CFHR3: variants seen among roughly 807,000 people sequenced by gnomAD.
CFHR3 encodes the protein complement factor H-related protein 3.
A neutral mutation model predicts 36.0 loss-of-function variants in CFHR3; 22 were observed. The ratio of observed to expected loss-of-function variants is 0.61; its 90% CI spans 0.44 to 0.87. The LOEUF (loss-of-function observed/expected upper bound fraction) is 0.87, where lower values mean the gene tolerates loss of function less well. Ranked by LOEUF, CFHR3 falls within the 40% of genes least tolerant of loss-of-function variation. The probability of loss-of-function intolerance (pLI) is 0.00; values close to 1 mark genes in which losing one functional copy is unlikely to be tolerated. For synonymous variants in CFHR3, 97 were observed against 137.4 expected (o/e 0.71, Z 2.06); for missense variants, 276 against 401.3 (o/e 0.69, Z 2.67).
Position 196,789,617 on chromosome 1 carries a change from A to C in CFHR3, c.614-428A>C, listed in dbSNP as rs1654343278. 3 of 1,379,552 alleles carry C rather than the reference A, an allele frequency of 2.2e-6. 1 individual carries two copies. The African/African-American group carries it at 5.5e-5, about 25-fold the overall frequency. 85.5% of individuals were successfully genotyped at this position (1,379,552 alleles called of 1,614,324 possible). ...ACATAAATGGTTACATTAACTTTTA[A>C]ATTCACAAATTTAAAAGCGGTTTAA... On this transcript the variant is annotated intron_variant, in intron 4 of 5. Transcript: ENST00000367425.
intron 3 of CFHR3, 134 bp downstream of exon 3, chr1:196,780,107 T>C: frequency 8.4e-7 from 1 of 1,197,064 alleles, no homozygotes; most frequent in South Asian, 1.6e-5. Flanking sequence ...CTATTTAGTT[T>C]TACTTTTTTA....
chr1:196,788,740 A>T lies in CFHR3; in HGVS notation c.613+342A>T. 1.4e-6 allele frequency: 2 copies of T among 1,452,288 alleles called. 1 individual carries two copies. The allele number at this position is 1,452,288 out of a possible 1,614,324, so 90.0% of individuals were successfully genotyped here. A position where few individuals can be genotyped will look rare whatever the true frequency, so the allele number is the denominator to read the frequency against. On this transcript the variant is annotated intron_variant, in intron 4 of 5. Transcript: ENST00000367425. Reference sequence around the variant, plus strand: ...TTCCCTTTCTTTGTATTTCAAAATTATCAGCTGCTTGTATTGCATTCCGTG... The same window carrying T: ...TTCCCTTTCTTTGTATTTCAAAATTTTCAGCTGCTTGTATTGCATTCCGTG...
intron 3 of CFHR3, among the ~76,000 whole-genome samples, chr1:196,787,109 T>A (rs1244232447): frequency 7.3e-6 from 1 of 137,426 alleles, no homozygotes; most frequent in Non-Finnish European, 1.5e-5. Context: ...AGAAACCGCA[T>A]AATAATTATG....
chr1:196,788,269 T>A lies in CFHR3; in HGVS notation c.484T>A (p.Ser162Thr), dbSNP rs776666479. The change falls in exon 4 of 6, where the codon TCC (serine) becomes ACC (threonine). Residue 162 changes from serine (S) to threonine (T), a missense_variant. Coordinates refer to ENST00000367425, the MANE Select transcript of CFHR3 (RefSeq NM_021023.6). ...TGAAAATGGATTCATTTCCGAATCT[T>A]CCTCTATTTATATTTTAAATAAAGA... ...EIENGFISES[S>T]SIYILNKEIQ... The A allele has an allele frequency of 2.3e-6, 3 of 1,327,770 alleles. No homozygotes were observed. In the Admixed American group the frequency reaches 6.7e-5, roughly 30 times the overall value. The allele number at this position is 1,327,770 out of a possible 1,614,324, so 82.2% of individuals were successfully genotyped here. A position where few individuals can be genotyped will look rare whatever the true frequency, so the allele number is the denominator to read the frequency against.
chr1:196,779,790 T>C lies in CFHR3; in HGVS notation c.254-7T>C, dbSNP rs766659379. ...ACTTTATTTATTTATCATTGCTATG[T>C]CCTTAGGAAAATGTTATTTTCCTTA... On this transcript the variant is annotated splice_region_variant and splice_polypyrimidine_tract_variant and intron_variant, in intron 2 of 5. Transcript: ENST00000367425. 2 of 1,513,356 alleles carry C rather than the reference T, an allele frequency of 1.3e-6. No homozygotes were observed. Among genetic ancestry groups the C allele is most frequent in the Non-Finnish European group, 1.8e-6 (2 of 1,120,924 alleles). 93.7% of individuals were successfully genotyped at this position (1,513,356 alleles called of 1,614,324 possible).
chr1:196,790,730 TA>T (rs1299517019), intron 5 of CFHR3, among the ~76,000 whole-genome samples: 1 of 89,788 alleles, frequency 1.1e-5, no homozygotes, highest in East Asian at 2.5e-4. Flanking sequence ...TCTCCAAAAA[TA>T]AAAAAATAAT....
At chr1:196,776,557 A>G (rs1258229222) in intron 1 of CFHR3, among the ~76,000 whole-genome samples, 4 of 136,560 alleles carry the variant, frequency 2.9e-5, no homozygotes, top group Non-Finnish European at 4.7e-5. Flanking sequence ...GTGTCCATAT[A>G]AGAAGAGAAA....
chr1:196,786,376 CTT>C (rs1232628676), intron 3 of CFHR3, among the ~76,000 whole-genome samples: 1 of 135,142 alleles, frequency 7.4e-6, no homozygotes, highest in Non-Finnish European at 1.6e-5. Flanking sequence ...TTACTGCTGT[CTT>C]TTTGTTTGTC....
In CFHR3 at chr1:196,788,263, G is replaced by A. The variant is rs766438449; in HGVS notation, c.478G>A (p.Glu160Lys). 2.3e-6 allele frequency: 3 copies of A among 1,316,310 alleles called. No individual in the cohort carries two copies. The highest frequency in any genetic ancestry group is 3.1e-6 in the Non-Finnish European group (3 of 975,516). The allele number at this position is 1,316,310 out of a possible 1,614,324, so 81.5% of individuals were successfully genotyped here. A position where few individuals can be genotyped will look rare whatever the true frequency, so the allele number is the denominator to read the frequency against. The change falls in exon 4 of 6, where the codon GAA (glutamate) becomes AAA (lysine). Residue 160 changes from glutamate (E) to lysine (K), a missense_variant. Glu to Lys is a moderately conservative substitution (Grantham distance 56, BLOSUM62 1). This residue lies in a region of CFHR3 where 178 missense variants were observed against 247.2 expected (regional missense o/e 0.72). Coordinates refer to ENST00000367425, the MANE Select transcript of CFHR3 (RefSeq NM_021023.6). ...AGAAATTGAAAATGGATTCATTTCC[G>A]AATCTTCCTCTATTTATATTTTAAA... ...DIEIENGFIS[E>K]SSSIYILNKE...
chr1:196,780,083 T>A, intron 3 of CFHR3, 110 bp downstream of exon 3: 1 of 1,378,672 alleles, frequency 7.3e-7, no homozygotes, highest in Non-Finnish European at 9.9e-7. Flanking sequence ...TGTCAACTTG[T>A]TTTGCCAACG....
Position 196,790,893 on chromosome 1 carries a change from C to A in CFHR3, c.796+666C>A, listed in dbSNP as rs1283869145. Reference sequence around the variant, plus strand: ...CTTCAAGAATGACAACCATTTATTGCGCACATATGAAATATGGCATCTCAG... The same window carrying A: ...CTTCAAGAATGACAACCATTTATTGAGCACATATGAAATATGGCATCTCAG... On this transcript the variant is annotated intron_variant, in intron 5 of 5. Coordinates refer to ENST00000367425, the MANE Select transcript of CFHR3 (RefSeq NM_021023.6). 2.9e-5 allele frequency among the ~76,000 whole-genome samples: 4 copies of A among 135,712 alleles called. 1 individual carries two copies. The highest frequency in any genetic ancestry group is 9.2e-5 in the African/African-American group (3 of 32,516). 89.0% of individuals were successfully genotyped at this position (135,712 alleles called of 152,430 possible).
In CFHR3 at chr1:196,786,059, G is replaced by C. The variant is rs1322352435; in HGVS notation, c.431-2157G>C. Among the ~76,000 whole-genome samples, 3 of 136,664 alleles carry C rather than the reference G, an allele frequency of 2.2e-5. 1 individual carries two copies. The East Asian group carries it at 5.9e-4, about 27-fold the overall frequency. 89.7% of individuals were successfully genotyped at this position (136,664 alleles called of 152,430 possible). A position where few individuals can be genotyped will look rare whatever the true frequency, so the allele number is the denominator to read the frequency against. ...GCTGCAGGTCTGTTGGAGTTTGCTA[G>C]AGGTCCACTCTAGACCCTGTTTGCC... On this transcript the variant is annotated intron_variant, in intron 3 of 5. Coordinates refer to ENST00000367425, the MANE Select transcript of CFHR3 (RefSeq NM_021023.6).
At chr1:196,790,001 T>C in intron 4 of CFHR3, 44 bp from the exon 5 acceptor site, 1 of 1,223,854 alleles carries the variant, frequency 8.2e-7, no homozygotes, top group South Asian at 1.6e-5. Flanking sequence ...AAGTTTCCAA[T>C]AAGACTATTG....
rs868739402 is a variant in CFHR3 at position 196,778,863 on chromosome 1, G to A, written c.59-299G>A. On this transcript the variant is annotated intron_variant, in intron 1 of 5. Transcript: ENST00000367425. The stretch of plus-strand genomic sequence containing the variant: ...TGATAAAACCTCCAGAATTGCTAAA[G>A]AGACCATACTACATTAGTAGAAGTA... Among the ~76,000 whole-genome samples, 2 of 137,154 alleles carry A rather than the reference G, an allele frequency of 1.5e-5. 1 individual carries two copies. Among genetic ancestry groups the A allele is most frequent in the Middle Eastern group, 7.7e-3 (2 of 260 alleles). 90.0% of individuals were successfully genotyped at this position (137,154 alleles called of 152,430 possible). A position where few individuals can be genotyped will look rare whatever the true frequency, so the allele number is the denominator to read the frequency against.
In CFHR3 at chr1:196,781,928, G is replaced by T. The variant is rs1158804967; in HGVS notation, c.430+1955G>T. ...CTAGGTTTTCTTTTAGGGTTTTTAT[G>T]GTGTTAGGTCTATCATTTAAGTCTT... On this transcript the variant is annotated intron_variant, in intron 3 of 5. Coordinates refer to ENST00000367425, the MANE Select transcript of CFHR3 (RefSeq NM_021023.6). Among the ~76,000 whole-genome samples, 244 of 136,822 alleles carry T rather than the reference G, an allele frequency of 1.8e-3. 59 individuals carry two copies. Among genetic ancestry groups the T allele is most frequent in the African/African-American group, 7.2e-3 (236 of 32,726 alleles). 89.8% of individuals were successfully genotyped at this position (136,822 alleles called of 152,430 possible).
rs868011307 is a variant in CFHR3, at chr1:196,787,659, G to A, written c.431-557G>A. On this transcript the variant is annotated intron_variant, in intron 3 of 5. Coordinates refer to ENST00000367425, the MANE Select transcript of CFHR3 (RefSeq NM_021023.6). Reference sequence around the variant, plus strand: ...TATTAGAACTTATTTTTGCTATCTTGCTTGCTTTCTTTTTTCTGCTTACAT... The same window carrying A: ...TATTAGAACTTATTTTTGCTATCTTACTTGCTTTCTTTTTTCTGCTTACAT... 8.1e-5 allele frequency among the ~76,000 whole-genome samples: 11 copies of A among 136,340 alleles called. 2 individuals carry two copies. In the South Asian group the frequency reaches 1.5e-3, roughly 19 times the overall value. The allele number at this position is 136,340 out of a possible 152,430, so 89.4% of individuals were successfully genotyped here. A position where few individuals can be genotyped will look rare whatever the true frequency, so the allele number is the denominator to read the frequency against.
At position 196,787,406 on chromosome 1, in the gene CFHR3, T is replaced by G. The variant is rs1409798422; in HGVS notation, c.431-810T>G. Among the ~76,000 whole-genome samples, 2 of 137,450 alleles carry G rather than the reference T, an allele frequency of 1.5e-5. 1 individual carries two copies. The highest frequency in any genetic ancestry group is 1.4e-4 in the Admixed American group (2 of 14,272). The allele number at this position is 137,450 out of a possible 152,430, so 90.2% of individuals were successfully genotyped here. A position where few individuals can be genotyped will look rare whatever the true frequency, so the allele number is the denominator to read the frequency against. On this transcript the variant is annotated intron_variant, in intron 3 of 5. Coordinates refer to ENST00000367425, the MANE Select transcript of CFHR3 (RefSeq NM_021023.6). The stretch of plus-strand genomic sequence containing the variant: ...GAAAACTCATGATTATGACAAATGC[T>G]ATATTATAAATATGCATCATCTTTA...
At position 196,788,198 on chromosome 1, in the gene CFHR3, T is replaced by C. The variant is rs533688197; in HGVS notation, c.431-18T>C. Reference sequence around the variant, plus strand: ...ATTCAACTAATATTTACTTTTTTCTTGACTTTTTCTATTTTAGGAACATGC... The same window carrying C: ...ATTCAACTAATATTTACTTTTTTCTCGACTTTTTCTATTTTAGGAACATGC... On this transcript the variant is annotated intron_variant, in intron 3 of 5. Transcript: ENST00000367425. The C allele has an allele frequency of 1.6e-4, 231 of 1,453,538 alleles. 24 individuals are homozygous for C. Among genetic ancestry groups the C allele is most frequent in the Middle Eastern group, 1.5e-3 (6 of 4,112 alleles). The allele number at this position is 1,453,538 out of a possible 1,614,324, so 90.0% of individuals were successfully genotyped here.
rs1397155829 is a variant in CFHR3, at chr1:196,795,267, G to T, written c.*1754G>T. 7.3e-6 allele frequency: 1 copy of T among 136,160 alleles called. No homozygotes were observed. Among genetic ancestry groups the T allele is most frequent in the East Asian group, 2.0e-4 (1 of 5,114 alleles). 8.4% of individuals were successfully genotyped at this position (136,160 alleles called of 1,614,324 possible). A position where few individuals can be genotyped will look rare whatever the true frequency, so the allele number is the denominator to read the frequency against. ...CATGAGATCTAATGGTTTTATAAATGAAAGTTCCCCTGGACAAGTTCTCTT... is the reference window on the plus strand; with the variant it reads ...CATGAGATCTAATGGTTTTATAAATTAAAGTTCCCCTGGACAAGTTCTCTT... On this transcript the variant is annotated 3_prime_UTR_variant, in exon 6 of 6. Coordinates refer to ENST00000367425, the MANE Select transcript of CFHR3 (RefSeq NM_021023.6).
Sources: gnomAD v4.1 joint callset for allele counts (sites outside exome capture counted in the v4.1 genomes callset) on GRCh38, gnomAD v4.1.1 for gene constraint, gnomAD v4.1.1 regional missense constraint, MANE v1.5 for transcripts, NCBI Gene and HGNC (gene_info 2026-07-23, HGNC 2026-07-21) for gene names.